BLK: variants seen among roughly 807,000 people sequenced by gnomAD.
BLK encodes BLK proto-oncogene, Src family tyrosine kinase, also known as tyrosine-protein kinase Blk.
A neutral mutation model predicts 61.8 loss-of-function variants in BLK; 64 were observed. The observed-to-expected ratio is 1.03, with a 90% CI of 0.85 to 1.27. The LOEUF is 1.27. BLK is among the 50% of genes most tolerant of loss of function. BLK has a pLI of 0.00. For missense variants in BLK, 853 were observed against 660.5 expected, an observed-to-expected ratio of 1.29 and a Z score of -3.19; for synonymous variants, 351 against 272.0, an observed-to-expected ratio of 1.29 and a Z score of -2.86.
chr8:11,503,068 T>C (rs758624955), intron 1 of BLK, among the ~76,000 whole-genome samples: 17 of 152,180 alleles, frequency 1.1e-4, no homozygotes, highest in African/African-American at 3.9e-4. Flanking sequence ...TTTGCACAGA[T>C]TGATACCTGG....
chr8:11,558,892 C>T (rs997140702), intron 10 of BLK: 13 of 455,992 alleles, frequency 2.9e-5, no homozygotes, highest in African/African-American at 1.4e-4. Flanking sequence ...CCTCCCACCT[C>T]GCCCCTCGCC....
At chr8:11,551,361 T>A (rs1800894673) in intron 6 of BLK, among the ~76,000 whole-genome samples, 1 of 152,212 alleles carries the variant, frequency 6.6e-6, no homozygotes, top group Non-Finnish European at 1.5e-5. Context: ...CTTCTCTGTG[T>A]CCTCACGTGG....
rs988993322 is a variant in BLK at position 11,557,804 on chromosome 8, G to A, written c.953-158G>A. ...GCATTTTGTAAAGTGGAAGGCACTC[G>A]GCAGCAGTAGGTAGATCCTTCCTGA... On this transcript the variant is annotated intron_variant, in intron 9 of 12. Transcript: ENST00000259089. 30 of 660,460 alleles carry A rather than the reference G, an allele frequency of 4.5e-5. 1 individual carries two copies. The highest frequency in any genetic ancestry group is 7.2e-5 in the Non-Finnish European group (26 of 361,088). 40.9% of individuals were successfully genotyped at this position (660,460 alleles called of 1,614,324 possible).
intron 1 of BLK, among the ~76,000 whole-genome samples, chr8:11,527,663 A>C (rs1799713975): frequency 6.6e-6 from 1 of 151,998 alleles, no homozygotes; most frequent in African/African-American, 2.4e-5. Context: ...GGGGTGTGGA[A>C]AATTGCCCTT....
At chr8:11,513,190 G>C (rs1259948334) in intron 1 of BLK, among the ~76,000 whole-genome samples, 2 of 152,146 alleles carry the variant, frequency 1.3e-5, no homozygotes, top group Non-Finnish European at 2.9e-5. Flanking sequence ...CTGGGTCCCA[G>C]GGCTTGTCCT....
At chr8:11,515,219 G>C (rs1178459188) in intron 1 of BLK, among the ~76,000 whole-genome samples, 1 of 152,202 alleles carries the variant, frequency 6.6e-6, no homozygotes, top group Non-Finnish European at 1.5e-5. Flanking sequence ...AGAGAAGGAA[G>C]ATGGGTCCTG....
In BLK at chr8:11,563,156, G is replaced by C. The variant is rs369976913; in HGVS notation, c.1312+46G>C. Reference sequence around the variant, plus strand: ...CTCGCGGCTCCCTGCTTTCCCGGCCGGCCCTGATGGCAGGTCGCCTGTGCT... The same window carrying C: ...CTCGCGGCTCCCTGCTTTCCCGGCCCGCCCTGATGGCAGGTCGCCTGTGCT... On this transcript the variant is annotated intron_variant, in intron 12 of 12. Transcript: ENST00000259089. 5 of 1,611,410 alleles carry C rather than the reference G, an allele frequency of 3.1e-6. No homozygotes were observed. In the South Asian group the frequency reaches 4.4e-5, roughly 14 times the overall value.
chr8:11,555,688 G>T, intron 8 of BLK: 1 of 776,764 alleles, frequency 1.3e-6, no homozygotes, highest in Non-Finnish European at 2.1e-6. Flanking sequence ...GCTTATGGTG[G>T]TGGCAGAGCA....
At chr8:11,553,459 C>G (rs1031878200) in intron 6 of BLK, 5 of 413,252 alleles carry the variant, frequency 1.2e-5, no homozygotes, top group Non-Finnish European at 2.4e-5. Flanking sequence ...CAGAAGCCAT[C>G]AGGGACGGGG....
chr8:11,559,127 A>G, intron 10 of BLK: 1 of 382,092 alleles, frequency 2.6e-6, no homozygotes, highest in Non-Finnish European at 5.3e-6. Context: ...CCCCCTTGGG[A>G]AATCTCGTGT....
intron 12 of BLK, 123 bp downstream of exon 12, chr8:11,563,233 G>A (rs941805593): frequency 4.3e-6 from 6 of 1,407,476 alleles, no homozygotes; most frequent in African/African-American, 1.4e-5. Flanking sequence ...GAGCGAAGAC[G>A]GAGACCCAGG....
chr8:11,526,508 C>A (rs191199032), intron 1 of BLK, among the ~76,000 whole-genome samples: 197 of 152,294 alleles, frequency 1.3e-3, no homozygotes, highest in African/African-American at 4.3e-3. Context: ...CACCTGAGGT[C>A]AGGAGTTTGA....
intron 1 of BLK, chr8:11,509,221 C>T (rs766701491): frequency 5.3e-5 from 8 of 152,144 alleles, no homozygotes; most frequent in Non-Finnish European, 1.5e-5. Flanking sequence ...CTCACAGCAC[C>T]CGAAGGGATG....
At chr8:11,524,503 A>G (rs7012605) in intron 1 of BLK, among the ~76,000 whole-genome samples, 3,113 of 152,372 alleles carry the variant, frequency 0.02, 98 homozygotes, top group African/African-American at 0.071. Flanking sequence ...TTAAGAAAGT[A>G]CAGGGAACTA....
At chr8:11,545,787 C>T (rs1800606379) in intron 2 of BLK, 2 of 514,764 alleles carry the variant, frequency 3.9e-6, no homozygotes, top group Non-Finnish European at 7.0e-6. Context: ...TGGGCTTTCC[C>T]TCATTGTCCA....
Position 11,527,562 on chromosome 8 carries a change from C to G in BLK, c.-1-15662C>G, listed in dbSNP as rs7009215. On this transcript the variant is annotated intron_variant, in intron 1 of 12. Transcript: ENST00000259089. ...GAGTTGTCACTGAAATTAGTCTCCC[C>G]AAAGGTGTGAAGGTCAGGACTTTTA... 6.0e-3 allele frequency among the ~76,000 whole-genome samples: 909 copies of G among 151,760 alleles called. 6 individuals carry two copies. Among genetic ancestry groups the G allele is most frequent in the African/African-American group, 0.021 (876 of 41,358 alleles).
At chr8:11,535,932 C>G (rs1027907560) in intron 1 of BLK, among the ~76,000 whole-genome samples, 11 of 152,194 alleles carry the variant, frequency 7.2e-5, no homozygotes, top group African/African-American at 2.4e-4. Flanking sequence ...CTGGCCTTTA[C>G]AAATCAAAGG....
intron 1 of BLK, among the ~76,000 whole-genome samples, chr8:11,510,804 AATAAATAAATAAATAC>A (rs1196083335): frequency 1.6e-4 from 23 of 143,180 alleles, no homozygotes; most frequent in Non-Finnish European, 2.5e-4. Flanking sequence ...TAAATAAATA[AATAAATAAATAAATAC>A]ATAAATAAAG....
chr8:11,547,248 C>G (rs1396252427), intron 3 of BLK, among the ~76,000 whole-genome samples: 1 of 152,240 alleles, frequency 6.6e-6, no homozygotes, highest in Admixed American at 6.5e-5. Flanking sequence ...CACTGTCACC[C>G]ATTCTGACCC....
Sources: allele counts gnomAD v4.1 joint callset (sites outside exome capture counted in the v4.1 genomes callset), GRCh38; gene constraint gnomAD v4.1.1; transcripts MANE v1.5; gene names NCBI Gene and HGNC (gene_info 2026-07-23, HGNC 2026-07-21).